FLVCR2: variants seen among roughly 807,000 people sequenced by gnomAD.
The protein encoded by FLVCR2 is FLVCR choline and putative heme transporter 2, also known as choline/ethanolamine transporter FLVCR2.
A neutral mutation model predicts 48.9 loss-of-function variants in FLVCR2; 38 were observed. The ratio of observed to expected loss-of-function variants is 0.78; its 90% CI spans 0.60 to 1.02. The LOEUF (loss-of-function observed/expected upper bound fraction) is 1.02. FLVCR2 is among the 50% of genes least tolerant of loss of function. The pLI, the probability that FLVCR2 is intolerant of heterozygous loss-of-function variation, is 0.00. For missense variants in FLVCR2, 664 were observed against 663.3 expected (o/e 1.00, Z -0.01); for synonymous variants, 255 against 257.0 (o/e 0.99, Z 0.07).
In FLVCR2 at chr14:75,641,237, C is replaced by T. The variant is rs1310796383; in HGVS notation, c.1397C>T (p.Thr466Ile). The T allele has an allele frequency of 6.2e-7, 1 of 1,614,048 alleles. No homozygotes were observed. Among genetic ancestry groups the T allele is most frequent in the East Asian group, 2.2e-5 (1 of 44,876 alleles). ...SQGQIIDNYGTKPGNIFLCVF... is the reference protein window; with the variant it reads ...SQGQIIDNYGIKPGNIFLCVF... Reference sequence around the variant, plus strand: ...GGCCAGATTATTGACAACTATGGAACCAAGCCTGGGAACATCTTCCTGTGT... The same window carrying T: ...GGCCAGATTATTGACAACTATGGAATCAAGCCTGGGAACATCTTCCTGTGT... Residue 466 changes from threonine to isoleucine, a missense_variant, in exon 8 of 10, where the codon ACC (threonine) becomes ATC (isoleucine). Thr to Ile is a moderately conservative substitution (Grantham distance 89). Coordinates refer to ENST00000238667, the MANE Select transcript of FLVCR2 (RefSeq NM_017791.3).
chr14:75,584,075 G>A (rs1445682253), intron 1 of FLVCR2, among the ~76,000 whole-genome samples: 5 of 152,100 alleles, frequency 3.3e-5, no homozygotes, highest in South Asian at 4.1e-4. Context: ...CAGATGGCAC[G>A]GCTTAGGAGG....
Position 75,639,389 on chromosome 14 carries a change from G to A in FLVCR2, c.1162G>A (p.Gly388Ser). 6.2e-7 allele frequency: 1 copy of A among 1,614,046 alleles called. No individual in the cohort carries two copies. The change falls in exon 6 of 10, where the codon GGC becomes AGC. Residue 388 changes from glycine (G) to serine (S), a missense_variant. Gly to Ser is a moderately conservative substitution (Grantham distance 56). Transcript: ENST00000238667. ...TLVVYIMTLVGMVVYTFTLNL... is the reference protein window; with the variant it reads ...TLVVYIMTLVSMVVYTFTLNL... ...GGTAGTCTATATCATGACACTGGTG[G>A]GCATGGTGGTGTACACGTTTACCTT... is the stretch of plus-strand genomic sequence containing the variant.
chr14:75,596,903 G>A (rs1370985145), intron 1 of FLVCR2, among the ~76,000 whole-genome samples: 1 of 149,434 alleles, frequency 6.7e-6, no homozygotes, highest in African/African-American at 2.5e-5. Context: ...GCTGGCTTAT[G>A]AAATCTGTTT....
At chr14:75,605,864 C>T (rs1338354816) in intron 1 of FLVCR2, 2 of 529,918 alleles carry the variant, frequency 3.8e-6, no homozygotes, top group Admixed American at 6.3e-5. Flanking sequence ...TTTTTCTTCT[C>T]TCCCCTGGAA....
chr14:75,586,750 C>T (rs930290907), intron 1 of FLVCR2, among the ~76,000 whole-genome samples: 19 of 151,938 alleles, frequency 1.3e-4, no homozygotes, highest in African/African-American at 3.9e-4. Context: ...ACATACTCCA[C>T]GGGAGCATTA....
Position 75,646,949 on chromosome 14 carries a change from T to G in FLVCR2, c.*477T>G, listed in dbSNP as rs1890434945. 4.5e-6 allele frequency: 1 copy of G among 221,384 alleles called. No individual in the cohort carries two copies. Among genetic ancestry groups the G allele is most frequent in the Admixed American group, 5.1e-5 (1 of 19,790 alleles). 13.7% of individuals were successfully genotyped at this position (221,384 alleles called of 1,614,324 possible). A position where few individuals can be genotyped will look rare whatever the true frequency, so the allele number is the denominator to read the frequency against. On this transcript the variant is annotated 3_prime_UTR_variant, in exon 10 of 10. Coordinates refer to ENST00000238667, the MANE Select transcript of FLVCR2 (RefSeq NM_017791.3). ...GGGGTCATCTCCTGGGTCATCGGAC[T>G]GATTGCTCAAGTTCTGCAGGAGAGG...
chr14:75,580,111 C>T (rs1037529633), intron 1 of FLVCR2, among the ~76,000 whole-genome samples: 10 of 152,302 alleles, frequency 6.6e-5, no homozygotes, highest in Admixed American at 3.3e-4. Context: ...ACTGCTTTTA[C>T]CTTGTTTTAC....
intron 1 of FLVCR2, among the ~76,000 whole-genome samples, chr14:75,582,191 G>A (rs1416558142): frequency 6.6e-6 from 1 of 152,168 alleles, no homozygotes; most frequent in Admixed American, 6.5e-5. Flanking sequence ...GCTTCCTTTG[G>A]AAGTAAAGCA....
intron 1 of FLVCR2, among the ~76,000 whole-genome samples, chr14:75,587,684 C>A (rs1888784538): frequency 6.6e-6 from 1 of 152,152 alleles, no homozygotes; most frequent in African/African-American, 2.4e-5. Context: ...AGCATTGTTT[C>A]AAGGGGAAAT....
At chr14:75,622,303 C>A in intron 2 of FLVCR2, 83 bp downstream of exon 2, 1 of 1,316,852 alleles carries the variant, frequency 7.6e-7, no homozygotes. Context: ...CCCTTGTGAA[C>A]ATGCCCTGAA....
Position 75,639,684 on chromosome 14 carries a change from G to A in FLVCR2, c.1235+222G>A, listed in dbSNP as rs541868050. ...GAATGAAGCATGAAGCACACCCTTC[G>A]CGACCTCTTGGAGGCTAGAACCTGT... On this transcript the variant is annotated intron_variant, in intron 6 of 9. Transcript: ENST00000238667. Among the ~76,000 whole-genome samples, 19 of 152,246 alleles carry A rather than the reference G, an allele frequency of 1.2e-4. No individual in the cohort carries two copies. In the East Asian group the frequency reaches 2.3e-3, roughly 19 times the overall value.
At chr14:75,605,673 T>G in intron 1 of FLVCR2, 1 of 1,516,916 alleles carries the variant, frequency 6.6e-7, no homozygotes, top group Non-Finnish European at 8.9e-7. Context: ...TTCAGCCGTG[T>G]GTCCGGAGCC....
chr14:75,579,891 C>T (rs138862315), intron 1 of FLVCR2, among the ~76,000 whole-genome samples: 35 of 152,354 alleles, frequency 2.3e-4, no homozygotes, highest in East Asian at 1.3e-3. Flanking sequence ...ACTATACCTT[C>T]GCTGTGTCGT....
chr14:75,598,882 T>A lies in FLVCR2; in HGVS notation c.669+19241T>A, dbSNP rs1382254738. Reference sequence around the variant, plus strand: ...AATTTCCAGACCTCCGCTCCCCACCTTTTCCTATTTAACTTGTCTCTTGTT... The same window carrying A: ...AATTTCCAGACCTCCGCTCCCCACCATTTCCTATTTAACTTGTCTCTTGTT... On this transcript the variant is annotated intron_variant, in intron 1 of 9. Transcript: ENST00000238667. Among the ~76,000 whole-genome samples the A allele has an allele frequency of 7.2e-5, 11 of 152,324 alleles. No homozygotes were observed. The East Asian group carries it at 2.1e-3, about 29-fold the overall frequency.
chr14:75,633,002 A>T (rs752773966), intron 3 of FLVCR2: 1 of 701,762 alleles, frequency 1.4e-6, no homozygotes, highest in Non-Finnish European at 2.6e-6. Context: ...TGGGCAAATG[A>T]CCTTATTCGC....
intron 1 of FLVCR2, among the ~76,000 whole-genome samples, chr14:75,616,078 C>A (rs1325773483): frequency 2.2e-5 from 3 of 138,858 alleles, no homozygotes; most frequent in African/African-American, 7.8e-5. Context: ...GTGGCTCATA[C>A]CTGTAATCTC....
chr14:75,579,042 G>C lies in FLVCR2; in HGVS notation c.70G>C (p.Asp24His). 6.2e-7 allele frequency: 1 copy of C among 1,614,024 alleles called. No individual in the cohort carries two copies. The highest frequency in any genetic ancestry group is 8.5e-7 in the Non-Finnish European group (1 of 1,179,986). ...TPVPESALQA[D>H]PSVSVHPSVS... The stretch of plus-strand genomic sequence containing the variant: ...TGTGCCGGAGTCCGCACTCCAAGCG[G>C]ACCCCAGCGTCTCGGTCCATCCCAG... The change falls in exon 1 of 10, where the codon GAC becomes CAC. Residue 24 changes from aspartate to histidine, a missense_variant. Physicochemically the swap from Asp to His is moderately conservative, Grantham distance 81. Coordinates refer to ENST00000238667, the MANE Select transcript of FLVCR2 (RefSeq NM_017791.3).
At chr14:75,594,242 C>G (rs1056761916) in intron 1 of FLVCR2, among the ~76,000 whole-genome samples, 3 of 150,514 alleles carry the variant, frequency 2.0e-5, no homozygotes. Context: ...CTGATTAGGA[C>G]CACCTAAGTA....
intron 9 of FLVCR2, among the ~76,000 whole-genome samples, chr14:75,645,032 T>TGGGG (rs199671974): frequency 3.0e-4 from 11 of 36,664 alleles, no homozygotes; most frequent in African/African-American, 7.9e-4. Flanking sequence ...GAGGCGGGCG[T>TGGGG]GGTGTGTGTG....
Sources: allele counts gnomAD v4.1 joint callset (sites outside exome capture counted in the v4.1 genomes callset), GRCh38; gene constraint gnomAD v4.1.1; transcripts MANE v1.5; gene names NCBI Gene and HGNC (gene_info 2026-07-23, HGNC 2026-07-21).